MEIS1: variants seen among roughly 807,000 people sequenced by gnomAD.
The protein encoded by MEIS1 is homeobox protein Meis1.
Under a neutral mutation model 50.8 loss-of-function variants are expected in MEIS1, and 5 were observed. That is an observed-to-expected ratio of 0.10 (90% CI 0.05 to 0.21). The LOEUF (loss-of-function observed/expected upper bound fraction) is 0.21, where lower values mean the gene tolerates loss of function less well. Ranked by LOEUF, MEIS1 falls within the 10% of genes least tolerant of loss-of-function variation. The pLI is 1.00. For synonymous variants in MEIS1, 176 were observed against 179.3 expected, an observed-to-expected ratio of 0.98 and a Z score of 0.15; for missense variants, 318 against 517.3, an observed-to-expected ratio of 0.61 and a Z score of 3.74.
intron 6 of MEIS1, among the ~76,000 whole-genome samples, chr2:66,448,597 T>C (rs1334082583): frequency 6.6e-6 from 1 of 152,184 alleles, no homozygotes; most frequent in African/African-American, 2.4e-5. Flanking sequence ...TATTCTCATA[T>C]TGGTAATGTT....
intron 8 of MEIS1, among the ~76,000 whole-genome samples, chr2:66,534,945 T>G (rs1002083076): frequency 6.6e-6 from 1 of 152,234 alleles, no homozygotes; most frequent in African/African-American, 2.4e-5. Flanking sequence ...TGATGGCAGC[T>G]AATTTAAAAG....
At chr2:66,540,897 G>A (rs1674634416) in intron 8 of MEIS1, among the ~76,000 whole-genome samples, 1 of 151,788 alleles carries the variant, frequency 6.6e-6, no homozygotes, top group Non-Finnish European at 1.5e-5. Flanking sequence ...CAAATACAAA[G>A]GACTATGCAG....
chr2:66,515,202 A>G (rs1673935845), intron 8 of MEIS1, among the ~76,000 whole-genome samples: 1 of 152,242 alleles, frequency 6.6e-6, no homozygotes, highest in Non-Finnish European at 1.5e-5. Context: ...CCAATTTATT[A>G]GTAAACTGTA....
At chr2:66,527,566 T>C (rs903180116) in intron 8 of MEIS1, among the ~76,000 whole-genome samples, 1 of 151,460 alleles carries the variant, frequency 6.6e-6, no homozygotes, top group South Asian at 2.1e-4. Flanking sequence ...TCTGTGGCTC[T>C]GATACCTGTA....
Position 66,443,068 on chromosome 2 carries a change from A to G in MEIS1, c.630+20A>G. On this transcript the variant is annotated intron_variant, in intron 6 of 12. Transcript: ENST00000272369. ...GACCAGGTATGCGCTTTTCAATTTC[A>G]ACATCCCTGGGAAAAAAAAAAATCT... 6.4e-7 allele frequency: 1 copy of G among 1,562,924 alleles called. No homozygotes were observed. The highest frequency in any genetic ancestry group is 2.1e-5 in the Admixed American group (1 of 46,700).
chr2:66,503,149 G>T (rs1673597399), intron 7 of MEIS1, among the ~76,000 whole-genome samples: 1 of 152,162 alleles, frequency 6.6e-6, no homozygotes, highest in African/African-American at 2.4e-5. Flanking sequence ...TGGGAAATGA[G>T]GCATTGTTTG....
At chr2:66,447,687 C>T (rs1672184772) in intron 6 of MEIS1, among the ~76,000 whole-genome samples, 1 of 152,092 alleles carries the variant, frequency 6.6e-6, no homozygotes, top group South Asian at 2.1e-4. Flanking sequence ...AATAGGGACA[C>T]TTTTAAAACA....
chr2:66,458,315 C>T (rs930621357), intron 6 of MEIS1, among the ~76,000 whole-genome samples: 1 of 152,072 alleles, frequency 6.6e-6, no homozygotes, highest in African/African-American at 2.4e-5. Flanking sequence ...GAACAAACCA[C>T]CTGTAAAAAT....
intron 7 of MEIS1, among the ~76,000 whole-genome samples, chr2:66,497,557 T>A (rs1167524027): frequency 6.6e-6 from 1 of 152,192 alleles, no homozygotes; most frequent in Non-Finnish European, 1.5e-5. Context: ...TTAAATGATA[T>A]AACTTTTTTC....
rs966513493 is a variant in MEIS1 at position 66,440,487 on chromosome 2, A to G, written c.382-75A>G. On this transcript the variant is annotated intron_variant, in intron 3 of 12. Coordinates refer to ENST00000272369, the MANE Select transcript of MEIS1 (RefSeq NM_002398.3). ...AGTGTAATGAGGCAAGAAACTAGGA[A>G]GGCGACCAGATTTCAAATTTTTCTT... 2.1e-5 allele frequency: 28 copies of G among 1,303,534 alleles called. No individual in the cohort carries two copies. In the African/African-American group the frequency reaches 3.9e-4, roughly 18 times the overall value. 80.7% of individuals were successfully genotyped at this position (1,303,534 alleles called of 1,614,324 possible). A position where few individuals can be genotyped will look rare whatever the true frequency, so the allele number is the denominator to read the frequency against.
chr2:66,464,119 A>G lies in MEIS1; in HGVS notation c.641A>G (p.Asn214Ser). 1 of 1,598,386 alleles carries G rather than the reference A, an allele frequency of 6.3e-7. No individual in the cohort carries two copies. The highest frequency in any genetic ancestry group is 8.5e-7 in the Non-Finnish European group (1 of 1,172,420). The change falls in exon 7 of 13, where the codon AAC (asparagine) becomes AGC (serine). Residue 214 changes from asparagine to serine, a missense_variant. Around this residue, in one of 6 missense-constraint regions of MEIS1, gnomAD observed 48 missense variants for 50.9 expected, o/e 0.94. Transcript: ENST00000272369. Reference protein sequence around the residue: ...SANLTDQPSWNRDHDDTASTR... With the variant: ...SANLTDQPSWSRDHDDTASTR... The stretch of plus-strand genomic sequence containing the variant: ...TTTGTGCCCCCACAGCCCTCTTGGA[A>G]CAGAGATCATGATGACACGGCATCT...
At chr2:66,543,534 G>T (rs932244508) in intron 8 of MEIS1, among the ~76,000 whole-genome samples, 1 of 152,114 alleles carries the variant, frequency 6.6e-6, no homozygotes, top group Non-Finnish European at 1.5e-5. Flanking sequence ...ATACACATGT[G>T]CAGGTTTAAT....
At chr2:66,514,733 A>G (rs781694377) in intron 8 of MEIS1, among the ~76,000 whole-genome samples, 7 of 152,198 alleles carry the variant, frequency 4.6e-5, no homozygotes, top group Non-Finnish European at 5.9e-5. Context: ...GTTAAGAGAT[A>G]TGTTTAAATT....
intron 6 of MEIS1, among the ~76,000 whole-genome samples, chr2:66,459,007 G>T (rs1672459315): frequency 6.6e-6 from 1 of 152,176 alleles, no homozygotes; most frequent in Non-Finnish European, 1.5e-5. Context: ...AACATTCATA[G>T]TGTAGAATTG....
chr2:66,531,436 T>C (rs1674387566), intron 8 of MEIS1, among the ~76,000 whole-genome samples: 1 of 152,156 alleles, frequency 6.6e-6, no homozygotes, highest in Admixed American at 6.5e-5. Context: ...AATAGCTAAG[T>C]AGCGAAATAA....
At chr2:66,505,021 A>T (rs556646287) in intron 7 of MEIS1, among the ~76,000 whole-genome samples, 17 of 152,234 alleles carry the variant, frequency 1.1e-4, no homozygotes, top group Non-Finnish European at 2.2e-4. Flanking sequence ...TCCTAATTAA[A>T]GATAAACTTG....
intron 7 of MEIS1, among the ~76,000 whole-genome samples, chr2:66,479,654 C>T (rs954633606): frequency 6.6e-6 from 1 of 152,096 alleles, no homozygotes; most frequent in African/African-American, 2.4e-5. Flanking sequence ...ATAAAAGTGT[C>T]ATTGGTTAAT....
chr2:66,473,397 A>AAAAAAAAAAAAAAATATATATATATATAT, intron 7 of MEIS1, among the ~76,000 whole-genome samples: 6 of 107,578 alleles, frequency 5.6e-5, no homozygotes, highest in African/African-American at 2.3e-4. Context: ...AAAAAAAAAA[A>AAAAAAAAAAAAAAATATATATATATATAT]ATATATATAT....
chr2:66,435,418 A>G lies in MEIS1; in HGVS notation c.-439A>G, dbSNP rs1671775901. 3.7e-6 allele frequency: 1 copy of G among 266,738 alleles called. No homozygotes were observed. The highest frequency in any genetic ancestry group is 5.3e-5 in the Admixed American group (1 of 18,916). The allele number at this position is 266,738 out of a possible 1,614,324, so 16.5% of individuals were successfully genotyped here. ...TATTAACATTTGAGGTGTTCTGACC[A>G]GAAGAAGACAGAGCGGATGATCATT... is the stretch of plus-strand genomic sequence containing the variant. On this transcript the variant is annotated 5_prime_UTR_variant, in exon 1 of 13. Coordinates refer to ENST00000272369, the MANE Select transcript of MEIS1 (RefSeq NM_002398.3).
Sources: gnomAD v4.1 joint callset for allele counts (sites outside exome capture counted in the v4.1 genomes callset) on GRCh38, gnomAD v4.1.1 for gene constraint, gnomAD v4.1.1 regional missense constraint, MANE v1.5 for transcripts, NCBI Gene and HGNC (gene_info 2026-07-23, HGNC 2026-07-21) for gene names.